The following CHSY3 variants were observed in gnomAD, a reference collection of about 807,000 sequenced individuals.
CHSY3 encodes chondroitin sulfate synthase 3.
A neutral mutation model predicts 67.2 loss-of-function variants in CHSY3; 35 were observed. The observed-to-expected ratio is 0.52, with a 90% confidence interval of 0.40 to 0.69. The LOEUF is 0.69. Ranked by LOEUF, CHSY3 falls within the 30% of genes least tolerant of loss-of-function variation. The probability of loss-of-function intolerance (pLI) is 0.00; values close to 1 mark genes in which losing one functional copy is unlikely to be tolerated. For synonymous variants in CHSY3, 474 were observed against 434.7 expected (o/e 1.09, Z -1.12); for missense variants, 1,069 against 1,138.5 (o/e 0.94, Z 0.88).
At chr5:129,947,413 C>T (rs1326502278) in intron 2 of CHSY3, among the ~76,000 whole-genome samples, 1 of 151,994 alleles carries the variant, frequency 6.6e-6, no homozygotes, top group African/African-American at 2.4e-5. Flanking sequence ...CACTTGGGCC[C>T]AGGAGTTCAA....
intron 2 of CHSY3, among the ~76,000 whole-genome samples, chr5:130,114,030 TTTTCTTCATTG>T (rs1382248599): frequency 5.3e-5 from 8 of 152,192 alleles, no homozygotes; most frequent in African/African-American, 1.9e-4. Context: ...TATTCATATT[TTTTCTTCATTG>T]TTTCCATAAA....
intron 2 of CHSY3, among the ~76,000 whole-genome samples, chr5:130,030,707 CT>C (rs1049157549): frequency 6.6e-6 from 1 of 151,934 alleles, no homozygotes; most frequent in African/African-American, 2.4e-5. Flanking sequence ...TATCTGAGAC[CT>C]AATCCCACAG....
At chr5:129,940,600 T>G (rs1271226208) in intron 2 of CHSY3, among the ~76,000 whole-genome samples, 1 of 152,244 alleles carries the variant, frequency 6.6e-6, no homozygotes, top group South Asian at 2.1e-4. Flanking sequence ...CTTTTCCCTC[T>G]TTTTATAAAC....
chr5:130,010,675 A>G (rs1385825892), intron 2 of CHSY3, among the ~76,000 whole-genome samples: 1 of 152,160 alleles, frequency 6.6e-6, no homozygotes, highest in African/African-American at 2.4e-5. Context: ...GAAAAGTATT[A>G]TAAAAAATCA....
chr5:130,142,529 G>A (rs1768900396), intron 2 of CHSY3, among the ~76,000 whole-genome samples: 1 of 152,138 alleles, frequency 6.6e-6, no homozygotes. Context: ...TTATTTTAAA[G>A]TAAGGCATCA....
At chr5:130,149,771 C>T (rs1450189736) in intron 2 of CHSY3, among the ~76,000 whole-genome samples, 1 of 150,858 alleles carries the variant, frequency 6.6e-6, no homozygotes, top group East Asian at 2.0e-4. Context: ...CAGAACTGGA[C>T]AGATTTGCCA....
chr5:130,130,430 A>G (rs1441933955), intron 2 of CHSY3, among the ~76,000 whole-genome samples: 2 of 152,106 alleles, frequency 1.3e-5, no homozygotes, highest in African/African-American at 4.8e-5. Context: ...AATCTCTAAG[A>G]TGCCACAGAC....
intron 2 of CHSY3, among the ~76,000 whole-genome samples, chr5:130,035,592 C>G (rs996964165): frequency 6.6e-6 from 1 of 152,094 alleles, no homozygotes; most frequent in Non-Finnish European, 1.5e-5. Context: ...ACACACATGC[C>G]TCAAGATACG....
intron 2 of CHSY3, among the ~76,000 whole-genome samples, chr5:130,088,628 C>T (rs201150680): frequency 2.6e-5 from 4 of 152,060 alleles, no homozygotes; most frequent in Admixed American, 6.6e-5. Context: ...AAAATGCTCA[C>T]CATCACTGGC....
chr5:130,134,786 T>A (rs17515082), intron 2 of CHSY3, among the ~76,000 whole-genome samples: 3 of 152,026 alleles, frequency 2.0e-5, no homozygotes, highest in Non-Finnish European at 4.4e-5. Context: ...AAGTTAATAG[T>A]TAAATTGCAC....
At chr5:130,107,078 G>A (rs1377447259) in intron 2 of CHSY3, among the ~76,000 whole-genome samples, 2 of 150,954 alleles carry the variant, frequency 1.3e-5, no homozygotes, top group African/African-American at 2.4e-5. Flanking sequence ...CTAAAATATG[G>A]GTAACTAAGT....
chr5:130,181,712 T>G (rs1770249610), intron 2 of CHSY3, among the ~76,000 whole-genome samples: 1 of 152,190 alleles, frequency 6.6e-6, no homozygotes, highest in South Asian at 2.1e-4. Flanking sequence ...TCTTCTTGAT[T>G]CTTGATCATT....
intron 2 of CHSY3, among the ~76,000 whole-genome samples, chr5:129,973,358 A>G (rs1003036436): frequency 1.3e-5 from 2 of 152,138 alleles, no homozygotes; most frequent in South Asian, 4.1e-4. Flanking sequence ...CTAACTACAT[A>G]TTCAAATGAA....
intron 2 of CHSY3, among the ~76,000 whole-genome samples, chr5:130,096,347 A>G (rs1018100387): frequency 6.6e-6 from 1 of 152,036 alleles, no homozygotes; most frequent in Admixed American, 6.6e-5. Context: ...AATTTTTTGC[A>G]TTTTTAGTAG....
In CHSY3 at chr5:129,999,171, T is replaced by C. The variant is rs139913389; in HGVS notation, c.1086+90811T>C. Among the ~76,000 whole-genome samples the C allele has an allele frequency of 6.9e-4, 101 of 146,456 alleles. No individual in the cohort carries two copies. In the East Asian group the frequency reaches 0.017, roughly 25 times the overall value. On this transcript the variant is annotated intron_variant, in intron 2 of 2. Transcript: ENST00000305031. ...TGTGGCTAGCTATTTGTCCCAACAC[T>C]AATTGTTGAATAATGTATCTTTTTT...
At chr5:130,115,083 G>GT (rs1430219628) in intron 2 of CHSY3, among the ~76,000 whole-genome samples, 3 of 144,512 alleles carry the variant, frequency 2.1e-5, no homozygotes, top group African/African-American at 7.9e-5. Flanking sequence ...ATTGTTCAAA[G>GT]GTTTTTTTTT....
intron 2 of CHSY3, among the ~76,000 whole-genome samples, chr5:130,037,915 A>G (rs2149663631): frequency 6.6e-6 from 1 of 152,124 alleles, no homozygotes; most frequent in Non-Finnish European, 1.5e-5. Flanking sequence ...TGGTAATGAG[A>G]TATTTATTTT....
chr5:130,173,987 A>G (rs1172358734), intron 2 of CHSY3, among the ~76,000 whole-genome samples: 5 of 152,220 alleles, frequency 3.3e-5, no homozygotes, highest in Non-Finnish European at 4.4e-5. Flanking sequence ...CTAGTCTTAT[A>G]AAGGAAAGAT....
At chr5:130,114,905 T>G (rs903537327) in intron 2 of CHSY3, among the ~76,000 whole-genome samples, 2 of 152,162 alleles carry the variant, frequency 1.3e-5, no homozygotes, top group Non-Finnish European at 2.9e-5. Context: ...AGCTGACTCC[T>G]GAAGATGCCA....
Sources: allele counts gnomAD v4.1 joint callset (sites outside exome capture counted in the v4.1 genomes callset), GRCh38; gene constraint gnomAD v4.1.1; transcripts MANE v1.5; gene names NCBI Gene and HGNC (gene_info 2026-07-23, HGNC 2026-07-21).